Variants in ADK observed in about 807,000 individuals in gnomAD.
ADK encodes N6,N6-dimethyladenosine kinase.
In ADK, 24 loss-of-function variants were observed where a neutral mutation model predicts 44.7. The observed-to-expected ratio is 0.54, with a 90% CI of 0.39 to 0.76. The LOEUF is 0.76. Among genes scored for constraint, ADK ranks in the 30% least tolerant of loss-of-function variants. The pLI, the probability that ADK is intolerant of heterozygous loss-of-function variation, is 0.00. For synonymous variants in ADK, 128 were observed against 142.6 expected, an observed-to-expected ratio of 0.90 and a Z score of 0.73; for missense variants, 321 against 425.1, an observed-to-expected ratio of 0.76 and a Z score of 2.15.
At chr10:74,225,295 C>T (rs1844493020) in intron 3 of ADK, among the ~76,000 whole-genome samples, 1 of 152,168 alleles carries the variant, frequency 6.6e-6, no homozygotes, top group African/African-American at 2.4e-5. Flanking sequence ...CCAGGCTGGT[C>T]TCAGACTCCT....
At chr10:74,549,910 G>A (rs1033908641) in intron 7 of ADK, among the ~76,000 whole-genome samples, 7 of 152,106 alleles carry the variant, frequency 4.6e-5, no homozygotes, top group Non-Finnish European at 7.4e-5. Flanking sequence ...ACGATTTCCT[G>A]ATTCTTTGAC....
chr10:74,160,239 A>G (rs1841853074), intron 1 of ADK, among the ~76,000 whole-genome samples: 1 of 152,182 alleles, frequency 6.6e-6, no homozygotes, highest in African/African-American at 2.4e-5. Context: ...TCCCATTGCC[A>G]CGGCAACACC....
intron 7 of ADK, among the ~76,000 whole-genome samples, chr10:74,585,037 GTTTC>G (rs1851486308): frequency 6.6e-6 from 1 of 152,180 alleles, no homozygotes; most frequent in African/African-American, 2.4e-5. Context: ...ATGCACTTGA[GTTTC>G]TTTCCTTTCC....
chr10:74,465,329 A>G (rs1286621039), intron 6 of ADK, among the ~76,000 whole-genome samples: 2 of 152,214 alleles, frequency 1.3e-5, no homozygotes, highest in African/African-American at 4.8e-5. Flanking sequence ...GAGCAATGGG[A>G]AAAGTAAGTA....
intron 9 of ADK, among the ~76,000 whole-genome samples, chr10:74,632,037 A>G (rs1024888796): frequency 1.3e-5 from 2 of 151,938 alleles, no homozygotes; most frequent in East Asian, 3.9e-4. Flanking sequence ...TTGTATATTC[A>G]TAGGTTGTGC....
chr10:74,290,332 GA>G (rs1402941675), intron 3 of ADK, among the ~76,000 whole-genome samples: 2 of 152,030 alleles, frequency 1.3e-5, no homozygotes, highest in East Asian at 3.9e-4. Context: ...CAGTACTTCT[GA>G]TTAGTAATTT....
intron 9 of ADK, among the ~76,000 whole-genome samples, chr10:74,614,716 G>C (rs1852682183): frequency 6.6e-6 from 1 of 151,104 alleles, no homozygotes. Flanking sequence ...GATCCCCCGG[G>C]CTCACGTTGT....
chr10:74,482,417 T>C (rs996504380), intron 6 of ADK, among the ~76,000 whole-genome samples: 3 of 152,180 alleles, frequency 2.0e-5, no homozygotes, highest in Non-Finnish European at 4.4e-5. Flanking sequence ...TCTTGCAACA[T>C]TGGGGATTAC....
chr10:74,468,978 T>G lies in ADK; in HGVS notation c.556-56278T>G, dbSNP rs148617143. The stretch of plus-strand genomic sequence containing the variant: ...GTGTGTATGTGCATGTGTGGGTGTG[T>G]GTGTGTGAGAGAGAGAGATCTAGTT... On this transcript the variant is annotated intron_variant, in intron 6 of 10. Coordinates refer to ENST00000539909, the MANE Select transcript of ADK (RefSeq NM_006721.4). 3.3e-4 allele frequency among the ~76,000 whole-genome samples: 50 copies of G among 151,386 alleles called. No individual in the cohort carries two copies. In the East Asian group the frequency reaches 8.1e-3, roughly 25 times the overall value.
intron 6 of ADK, among the ~76,000 whole-genome samples, chr10:74,479,893 A>G (rs1847002659): frequency 6.6e-6 from 1 of 152,146 alleles, no homozygotes; most frequent in Non-Finnish European, 1.5e-5. Context: ...CAGTGCTTAC[A>G]AACTATGTTC....
At chr10:74,368,553 T>TCC (rs1842564973) in intron 4 of ADK, among the ~76,000 whole-genome samples, 1 of 152,146 alleles carries the variant, frequency 6.6e-6, no homozygotes, top group African/African-American at 2.4e-5. Context: ...TCATGATAAA[T>TCC]GTTAGTGGTT....
At chr10:74,673,821 A>G (rs1206890261) in intron 10 of ADK, among the ~76,000 whole-genome samples, 1 of 152,136 alleles carries the variant, frequency 6.6e-6, no homozygotes, top group Non-Finnish European at 1.5e-5. Flanking sequence ...CTCAACAGGA[A>G]GGGGAGCTGA....
Position 74,277,043 on chromosome 10 carries a change from G to T in ADK, c.195-37624G>T, listed in dbSNP as rs1381339269. Among the ~76,000 whole-genome samples the T allele has an allele frequency of 3.3e-5, 5 of 151,350 alleles. No homozygotes were observed. In the East Asian group the frequency reaches 9.9e-4, roughly 30 times the overall value. On this transcript the variant is annotated intron_variant, in intron 3 of 10. Transcript: ENST00000539909. Reference sequence around the variant, plus strand: ...AGCGATTCTCCTGCCTCAGCCTCCGGAGTAGCTGGGATTACAGGCGCCTGC... The same window carrying T: ...AGCGATTCTCCTGCCTCAGCCTCCGTAGTAGCTGGGATTACAGGCGCCTGC...
chr10:74,552,500 A>G (rs1343266207), intron 7 of ADK, among the ~76,000 whole-genome samples: 1 of 152,166 alleles, frequency 6.6e-6, no homozygotes, highest in African/African-American at 2.4e-5. Context: ...GGTGATGTAA[A>G]TGTTCTAAAA....
At chr10:74,668,579 T>C (rs1855056107) in intron 9 of ADK, among the ~76,000 whole-genome samples, 1 of 151,940 alleles carries the variant, frequency 6.6e-6, no homozygotes. Flanking sequence ...CTACTAAAAA[T>C]ACAAAAATTA....
intron 9 of ADK, among the ~76,000 whole-genome samples, chr10:74,656,858 GTTTGT>G (rs1354845565): frequency 6.6e-6 from 1 of 152,086 alleles, no homozygotes; most frequent in Non-Finnish European, 1.5e-5. Flanking sequence ...GTTTTGTGGT[GTTTGT>G]TTTGTTTTGT....
intron 6 of ADK, among the ~76,000 whole-genome samples, chr10:74,504,292 A>G (rs1847972353): frequency 1.3e-5 from 2 of 152,102 alleles, no homozygotes; most frequent in South Asian, 4.1e-4. Flanking sequence ...AGGTAGCAGT[A>G]TCCACTTGGA....
chr10:74,166,682 G>A (rs1267281477), intron 1 of ADK, among the ~76,000 whole-genome samples: 33 of 94,766 alleles, frequency 3.5e-4, no homozygotes, highest in Admixed American at 2.1e-3. Context: ...GTGAGACTCC[G>A]TCTCAAAAAA....
Position 74,213,593 on chromosome 10 carries a change from TAAAG to T in ADK, c.141-10942_141-10939del, listed in dbSNP as rs1843907344. Among the ~76,000 whole-genome samples the T allele has an allele frequency of 2.6e-5, 4 of 152,158 alleles. No individual in the cohort carries two copies. The South Asian group carries it at 8.3e-4, about 32-fold the overall frequency. ...CTAGAACATTTAATAGATGGATAGA[TAAAG>T]AATGAGTATAGAATGAGATTAAGAA... On this transcript the variant is annotated intron_variant, in intron 2 of 10. Coordinates refer to ENST00000539909, the MANE Select transcript of ADK (RefSeq NM_006721.4).
Sources: allele counts gnomAD v4.1 joint callset (sites outside exome capture counted in the v4.1 genomes callset), GRCh38; gene constraint gnomAD v4.1.1; transcripts MANE v1.5; gene names NCBI Gene and HGNC (gene_info 2026-07-23, HGNC 2026-07-21).